Variants in FHAD1 observed in about 807,000 individuals in gnomAD.
FHAD1 encodes forkhead associated phosphopeptide binding domain 1, also known as forkhead-associated domain-containing protein 1.
Under a neutral mutation model 191.3 loss-of-function variants are expected in FHAD1, and 146 were observed. The observed-to-expected ratio is 0.76, with a 90% CI of 0.67 to 0.88. The LOEUF (loss-of-function observed/expected upper bound fraction) is 0.88, where lower values mean the gene tolerates loss of function less well. FHAD1 is among the 40% of genes least tolerant of loss of function. The pLI is 0.00. For missense variants in FHAD1, 1,635 were observed against 1,785.8 expected (o/e 0.92, Z 1.52); for synonymous variants, 616 against 672.3 (o/e 0.92, Z 1.29).
rs1234992142 is a variant in FHAD1 at position 15,369,372 on chromosome 1, C to T, written c.3317C>T (p.Ala1106Val). The T allele has an allele frequency of 1.3e-6, 2 of 1,551,950 alleles. No individual in the cohort carries two copies. The highest frequency in any genetic ancestry group is 1.7e-6 in the Non-Finnish European group (2 of 1,147,068). Residue 1106 changes from alanine to valine, a missense_variant and splice_region_variant, in exon 26 of 34, where the codon GCT (alanine) becomes GTT (valine). Transcript: ENST00000688493. ...CATCCTCCTCTTCTCTACCCTAGGG[C>T]TTCCCAAGAGAAACACAGACTCCAG... Reference protein sequence around the residue: ...ELKALEEALRASQEKHRLQLN... With the variant: ...ELKALEEALRVSQEKHRLQLN...
intron 20 of FHAD1, among the ~76,000 whole-genome samples, chr1:15,353,727 G>GA (rs1691720043): frequency 7.2e-5 from 7 of 97,212 alleles, no homozygotes; most frequent in African/African-American, 1.6e-4. Context: ...AAAAAAAAAA[G>GA]AAAAGAAAAA....
At chr1:15,383,433 A>G (rs1701378370) in intron 31 of FHAD1, 1 of 354,054 alleles carries the variant, frequency 2.8e-6, no homozygotes, top group Non-Finnish European at 5.6e-6. Context: ...GGTAGGGTCT[A>G]CACACTGGAA....
At chr1:15,240,973 A>AAG (rs1553212666) in intron 1 of FHAD1, among the ~76,000 whole-genome samples, 1 of 77,812 alleles carries the variant, frequency 1.3e-5, no homozygotes, top group Non-Finnish European at 2.7e-5. Flanking sequence ...AAAAAAAAAA[A>AAG]AAAGAAAGAA....
At chr1:15,261,469 G>A (rs1651021558) in intron 2 of FHAD1, among the ~76,000 whole-genome samples, 1 of 152,172 alleles carries the variant, frequency 6.6e-6, no homozygotes, top group African/African-American at 2.4e-5. Context: ...CGAGCCGTCA[G>A]TGCACCGAGG....
intron 14 of FHAD1, among the ~76,000 whole-genome samples, chr1:15,330,652 G>A (rs956751986): frequency 6.6e-6 from 1 of 152,188 alleles, no homozygotes; most frequent in Non-Finnish European, 1.5e-5. Flanking sequence ...AGGATGCATC[G>A]GAGTTGTTGC....
At chr1:15,303,882 C>T (rs1034932812) in intron 6 of FHAD1, among the ~76,000 whole-genome samples, 1 of 151,386 alleles carries the variant, frequency 6.6e-6, no homozygotes, top group African/African-American at 2.4e-5. Context: ...GAAAGAATTA[C>T]TCTGACTTAT....
intron 20 of FHAD1, among the ~76,000 whole-genome samples, chr1:15,355,947 A>AC (rs1218823421): frequency 5.3e-5 from 8 of 152,018 alleles, no homozygotes; most frequent in African/African-American, 1.7e-4. Flanking sequence ...AAAAAAAAAA[A>AC]AAAACAGAAA....
rs1036963680 is a variant in FHAD1 at position 15,381,905 on chromosome 1, G to C, written c.4023-123G>C. The C allele has an allele frequency of 5.5e-5, 58 of 1,051,194 alleles. No homozygotes were observed. Among genetic ancestry groups the C allele is most frequent in the Non-Finnish European group, 7.7e-5 (56 of 725,442 alleles). The allele number at this position is 1,051,194 out of a possible 1,614,324, so 65.1% of individuals were successfully genotyped here. A position where few individuals can be genotyped will look rare whatever the true frequency, so the allele number is the denominator to read the frequency against. On this transcript the variant is annotated intron_variant, in intron 30 of 33. Coordinates refer to ENST00000688493, the MANE Select transcript of FHAD1 (RefSeq NM_001391957.1). The surrounding 1 kb of genome is among the most constrained non-coding windows in gnomAD (Gnocchi z 4.6). ...AAATCTTCGTCATGCTCTCCTGCTT[G>C]TGATGACACTCCTGAGTGAGCCCCC...
intron 1 of FHAD1, among the ~76,000 whole-genome samples, chr1:15,237,606 C>T (rs1342754536): frequency 1.1e-4 from 17 of 152,144 alleles, no homozygotes; most frequent in Non-Finnish European, 8.8e-5. Context: ...ACATTACTGT[C>T]CCCCTTGTTT....
intron 31 of FHAD1, chr1:15,383,012 A>ACACGCG (rs1701257065): frequency 6.6e-6 from 3 of 452,090 alleles, no homozygotes; most frequent in South Asian, 1.6e-5. Context: ...CCACACACAC[A>ACACGCG]CACGCGCACG....
At chr1:15,376,463 T>G (rs1190937239) in intron 28 of FHAD1, among the ~76,000 whole-genome samples, 2 of 152,158 alleles carry the variant, frequency 1.3e-5, no homozygotes, top group Admixed American at 6.5e-5. Context: ...TTGCCTAAAG[T>G]TTGCTTTTCG....
At chr1:15,383,979 C>CGT (rs1036355402) in intron 31 of FHAD1, 4 of 350,414 alleles carry the variant, frequency 1.1e-5, no homozygotes, top group African/African-American at 8.9e-5. Context: ...TGTGCATTCT[C>CGT]GTGTGTGTGT....
At chr1:15,304,720 C>T (rs1234403461) in intron 6 of FHAD1, among the ~76,000 whole-genome samples, 1 of 152,134 alleles carries the variant, frequency 6.6e-6, no homozygotes, top group African/African-American at 2.4e-5. Context: ...AGGGTTGGGA[C>T]ATTGCAGCCC....
chr1:15,374,034 G>A (rs934029545), intron 26 of FHAD1, among the ~76,000 whole-genome samples: 1 of 152,280 alleles, frequency 6.6e-6, no homozygotes, highest in East Asian at 1.9e-4. Context: ...CTCAGAGGAA[G>A]GTTTTCATTT....
downstream of FHAD1, among the ~76,000 whole-genome samples, chr1:15,400,624 G>A (rs1475700995): frequency 6.6e-6 from 1 of 152,238 alleles, no homozygotes; most frequent in African/African-American, 2.4e-5. Flanking sequence ...CAAAGGTGCT[G>A]CTAAACATTC....
intron 2 of FHAD1, among the ~76,000 whole-genome samples, chr1:15,270,374 C>A (rs1452960094): frequency 6.6e-6 from 1 of 152,124 alleles, no homozygotes; most frequent in Non-Finnish European, 1.5e-5. Context: ...TCAGGCGAAC[C>A]TGAGTACAAG....
At chr1:15,278,832 T>C (rs989155878) in intron 3 of FHAD1, among the ~76,000 whole-genome samples, 1 of 152,220 alleles carries the variant, frequency 6.6e-6, no homozygotes, top group South Asian at 2.1e-4. Context: ...TTTGCATATA[T>C]AGTAATATAA....
At chr1:15,264,705 C>T (rs1652687240) in intron 2 of FHAD1, among the ~76,000 whole-genome samples, 2 of 152,094 alleles carry the variant, frequency 1.3e-5, no homozygotes, top group Non-Finnish European at 2.9e-5. Context: ...ACTTCCAGTA[C>T]TATTTCAAAT....
intron 14 of FHAD1, among the ~76,000 whole-genome samples, chr1:15,331,403 C>A (rs1681341234): frequency 7.2e-6 from 1 of 138,832 alleles, no homozygotes; most frequent in Non-Finnish European, 1.5e-5. Flanking sequence ...TGGATGGAAG[C>A]ATTGGTGGGT....
Sources: gnomAD v4.1 joint callset for allele counts (sites outside exome capture counted in the v4.1 genomes callset) on GRCh38, gnomAD v4.1.1 for gene constraint, Gnocchi (gnomAD v3.1) non-coding constraint, MANE v1.5 for transcripts, NCBI Gene and HGNC (gene_info 2026-07-23, HGNC 2026-07-21) for gene names.